Variants in IFT74 observed in about 807,000 individuals in gnomAD.
The protein encoded by IFT74 is intraflagellar transport protein 74 homolog.
A neutral mutation model predicts 96.7 loss-of-function variants in IFT74; 92 were observed. The ratio of observed to expected loss-of-function variants is 0.95; its 90% CI spans 0.80 to 1.13. The LOEUF (loss-of-function observed/expected upper bound fraction) is 1.13, where lower values mean the gene tolerates loss of function less well. IFT74 is among the 50% of genes most tolerant of loss of function. IFT74 has a pLI of 0.00. For synonymous variants in IFT74, 223 were observed against 213.2 expected (o/e 1.05, Z -0.40); for missense variants, 811 against 698.2 (o/e 1.16, Z -1.82).
chr9:27,024,224 C>T (rs1377448284), intron 12 of IFT74, among the ~76,000 whole-genome samples: 5 of 152,282 alleles, frequency 3.3e-5, no homozygotes, highest in East Asian at 1.9e-4. Flanking sequence ...AACCAGTGCA[C>T]GAAACAAAAC....
intron 8 of IFT74, among the ~76,000 whole-genome samples, chr9:27,003,391 C>G (rs962988453): frequency 5.3e-5 from 8 of 152,022 alleles, no homozygotes; most frequent in African/African-American, 1.9e-4. Flanking sequence ...GGTGCAGTGG[C>G]AGGCACCTGT....
chr9:27,026,811 A>T (rs1441139422), intron 12 of IFT74, among the ~76,000 whole-genome samples: 1 of 152,208 alleles, frequency 6.6e-6, no homozygotes, highest in Non-Finnish European at 1.5e-5. Flanking sequence ...AACCTCTGGG[A>T]TACAGCAAAA....
At chr9:26,948,489 G>T (rs1176567564) in intron 1 of IFT74, among the ~76,000 whole-genome samples, 1 of 25,430 alleles carries the variant, frequency 3.9e-5, no homozygotes, top group African/African-American at 1.0e-4. Flanking sequence ...TTTTTTTTTT[G>T]AGACGGAGTG....
In IFT74 at chr9:27,065,322, G is replaced by A. The variant is rs1820574304; in HGVS notation, c.*2586G>A. The stretch of plus-strand genomic sequence containing the variant: ...CCAACAAGAATATTCTCTTTACTGG[G>A]ATAGAACTGGAGGCTAATAGCTGCA... On this transcript the variant is annotated 3_prime_UTR_variant, in exon 20 of 20. Coordinates refer to ENST00000380062, the MANE Select transcript of IFT74 (RefSeq NM_025103.4). Among the ~76,000 whole-genome samples, 1 of 152,046 alleles carries A rather than the reference G, an allele frequency of 6.6e-6. No individual in the cohort carries two copies. Among genetic ancestry groups the A allele is most frequent in the East Asian group, 1.9e-4 (1 of 5,186 alleles).
intron 8 of IFT74, chr9:26,993,563 A>G (rs1827984502): frequency 2.0e-5 from 3 of 152,544 alleles, no homozygotes; most frequent in African/African-American, 7.2e-5. Context: ...TAATTATGTA[A>G]CTTTTAAAAT....
chr9:26,995,930 TC>T (rs2131566956), intron 8 of IFT74: 1 of 930,372 alleles, frequency 1.1e-6, no homozygotes, highest in Non-Finnish European at 1.6e-6. Flanking sequence ...ATCCTAATTC[TC>T]CTCAATATTG....
At chr9:27,035,155 CTT>C (rs369976389) in intron 13 of IFT74, among the ~76,000 whole-genome samples, 13 of 152,270 alleles carry the variant, frequency 8.5e-5, no homozygotes, top group African/African-American at 2.2e-4. Flanking sequence ...TAATTAGTGA[CTT>C]ATTGTTAATG....
At chr9:26,948,445 A>ATTTTTTTTTTTTTTTTTTTTTTTT (rs1554662864) in intron 1 of IFT74, among the ~76,000 whole-genome samples, 1 of 47,312 alleles carries the variant, frequency 2.1e-5, no homozygotes, top group Non-Finnish European at 4.9e-5. Flanking sequence ...ATGGCTTTCC[A>ATTTTTTTTTTTTTTTTTTTTTTTT]TTATTTTTTT....
chr9:27,047,121 G>A (rs1251035579), intron 14 of IFT74, among the ~76,000 whole-genome samples, 153 bp from the exon 15 acceptor site: 1 of 152,138 alleles, frequency 6.6e-6, no homozygotes, highest in African/African-American at 2.4e-5. Flanking sequence ...GCAGTGAGCC[G>A]AGATCGTGCC....
At chr9:27,012,414 C>G (rs901066325) in intron 10 of IFT74, among the ~76,000 whole-genome samples, 2 of 151,682 alleles carry the variant, frequency 1.3e-5, no homozygotes, top group Admixed American at 1.3e-4. Context: ...TTTGTAAAGA[C>G]AGGGTCTCGT....
At chr9:27,029,739 A>G (rs1830035871) in intron 13 of IFT74, among the ~76,000 whole-genome samples, 1 of 152,136 alleles carries the variant, frequency 6.6e-6, no homozygotes, top group African/African-American at 2.4e-5. Context: ...CAAGAGTGAA[A>G]CTCGGTCTCA....
intron 13 of IFT74, chr9:27,036,632 TTC>T (rs1447831380): frequency 4.8e-6 from 7 of 1,445,926 alleles, no homozygotes; most frequent in East Asian, 5.0e-5. Flanking sequence ...TTGAGCAGTG[TTC>T]ATCTGGCATT....
In IFT74 at chr9:26,961,369, C is replaced by T. The variant is rs1471934509; in HGVS notation, c.-19-580C>T. Among the ~76,000 whole-genome samples, 4 of 151,976 alleles carry T rather than the reference C, an allele frequency of 2.6e-5. No individual in the cohort carries two copies. The South Asian group carries it at 8.3e-4, about 32-fold the overall frequency. On this transcript the variant is annotated intron_variant, in intron 1 of 19. Transcript: ENST00000380062. ...CCTCCCAAAGTGCTGGGGTTACACGCGTTTGCCACTGCGCCTGGCCTCTTG... is the reference window on the plus strand; with the variant it reads ...CCTCCCAAAGTGCTGGGGTTACACGTGTTTGCCACTGCGCCTGGCCTCTTG...
At chr9:27,043,032 A>T (rs576751747) in intron 13 of IFT74, among the ~76,000 whole-genome samples, 1 of 152,290 alleles carries the variant, frequency 6.6e-6, no homozygotes, top group South Asian at 2.1e-4. Flanking sequence ...CTTCACAGTT[A>T]ATCAGGGGGC....
chr9:27,021,683 T>C (rs900537803), intron 12 of IFT74, among the ~76,000 whole-genome samples: 1 of 152,154 alleles, frequency 6.6e-6, no homozygotes, highest in African/African-American at 2.4e-5. Flanking sequence ...TTATGGGATT[T>C]TTTTTTCTTG....
chr9:27,000,015 C>T (rs1320948822), intron 8 of IFT74, among the ~76,000 whole-genome samples: 1 of 152,038 alleles, frequency 6.6e-6, no homozygotes, highest in African/African-American at 2.4e-5. Context: ...GAGCCATTTC[C>T]CCCCAGCCAC....
chr9:26,952,401 C>A (rs568281462), upstream of IFT74, among the ~76,000 whole-genome samples: 2 of 151,752 alleles, frequency 1.3e-5, no homozygotes, highest in Non-Finnish European at 2.9e-5. Context: ...TTCAGCCTCC[C>A]GAGTAGCTGG....
At chr9:27,029,764 T>A (rs557919094) in intron 13 of IFT74, among the ~76,000 whole-genome samples, 44 of 152,102 alleles carry the variant, frequency 2.9e-4, no homozygotes, top group Middle Eastern at 6.8e-3. Flanking sequence ...ATAAATAAAT[T>A]AATTAAATAA....
At chr9:27,035,140 A>C (rs1010049241) in intron 13 of IFT74, among the ~76,000 whole-genome samples, 1 of 152,252 alleles carries the variant, frequency 6.6e-6, no homozygotes, top group Non-Finnish European at 1.5e-5. Flanking sequence ...TATGCTCATA[A>C]ATATTAATTA....
Sources: gnomAD v4.1 joint callset for allele counts (sites outside exome capture counted in the v4.1 genomes callset) on GRCh38, gnomAD v4.1.1 for gene constraint, MANE v1.5 for transcripts, NCBI Gene and HGNC (gene_info 2026-07-23, HGNC 2026-07-21) for gene names.